Variants in SPATA9 observed in about 807,000 individuals in gnomAD.
SPATA9 encodes the protein spermatogenesis associated 9, also known as spermatogenesis-associated protein 9.
A neutral mutation model predicts 25.5 loss-of-function variants in SPATA9; 27 were observed. The observed-to-expected ratio is 1.06, with a 90% CI of 0.78 to 1.46. SPATA9 has a LOEUF of 1.46. SPATA9 is among the 40% of genes most tolerant of loss of function. The probability of loss-of-function intolerance (pLI) is 0.00; values close to 1 mark genes in which losing one functional copy is unlikely to be tolerated. For missense variants in SPATA9, 282 were observed against 297.5 expected (o/e 0.95, Z 0.38); for synonymous variants, 102 against 105.7 (o/e 0.97, Z 0.21).
intron 4 of SPATA9, among the ~76,000 whole-genome samples, chr5:95,661,211 G>C (rs1751226767): frequency 6.6e-6 from 1 of 151,960 alleles, no homozygotes; most frequent in African/African-American, 2.4e-5. Flanking sequence ...TATTTCTCCT[G>C]ATTTTCTTTC....
chr5:95,712,965 C>T, the SPATA9 span, among the ~76,000 whole-genome samples: 1 of 152,008 alleles, frequency 6.6e-6, no homozygotes, highest in African/African-American at 2.4e-5. Context: ...AGCTGCATTC[C>T]AAGAGATTTT....
the SPATA9 span, among the ~76,000 whole-genome samples, chr5:95,705,703 A>G: frequency 6.6e-6 from 1 of 152,210 alleles, no homozygotes; most frequent in Non-Finnish European, 1.5e-5. Context: ...CTGTAATGTA[A>G]TAGTTACCCA....
At chr5:95,719,787 G>A in the SPATA9 span, 1 of 152,142 alleles carries the variant, frequency 6.6e-6, no homozygotes, top group African/African-American at 2.4e-5. Context: ...CCAATCAGAA[G>A]AGAAAATTTT....
At chr5:95,656,262 G>A, downstream of SPATA9, 1 of 1,613,242 alleles carries the variant, frequency 6.2e-7, no homozygotes, top group Non-Finnish European at 8.5e-7. Context: ...GTGTGACTCT[G>A]ATTTTTATGC....
intron 1 of SPATA9, among the ~76,000 whole-genome samples, chr5:95,696,852 T>C (rs1255178761): frequency 2.0e-5 from 3 of 152,112 alleles, no homozygotes; most frequent in Non-Finnish European, 4.4e-5. Context: ...CAAGACCCTG[T>C]CTCCAAGTGA....
chr5:95,672,023 C>A lies in SPATA9; in HGVS notation c.378+3389G>T, dbSNP rs148828237. 1.8e-4 allele frequency among the ~76,000 whole-genome samples: 28 copies of A among 151,998 alleles called. 2 individuals are homozygous for A. The highest frequency in any genetic ancestry group is 6.8e-4 in the African/African-American group (28 of 41,444). ...GACCTTCCCCCCACCCCCAATGCCA[C>A]GAACAAAAAGGGAACTAAAAGCCAG... On this transcript the variant is annotated intron_variant, in intron 3 of 4. Transcript: ENST00000274432.
the SPATA9 span, among the ~76,000 whole-genome samples, chr5:95,721,953 A>G: frequency 6.6e-6 from 1 of 152,188 alleles, no homozygotes; most frequent in African/African-American, 2.4e-5. Context: ...GAAAATTTTG[A>G]TTACTATTAA....
chr5:95,712,102 T>A, the SPATA9 span, among the ~76,000 whole-genome samples: 2 of 151,992 alleles, frequency 1.3e-5, no homozygotes, highest in Non-Finnish European at 2.9e-5. Flanking sequence ...GTTTTACAGT[T>A]AAAAAAAAGA....
At chr5:95,678,974 T>C (rs1479942177) in intron 2 of SPATA9, among the ~76,000 whole-genome samples, 1 of 152,224 alleles carries the variant, frequency 6.6e-6, no homozygotes, top group Non-Finnish European at 1.5e-5. Context: ...ATGTTCCTAT[T>C]TGAGTTGGGT....
rs529019843 is a variant in SPATA9 at position 95,694,911 on chromosome 5, A to G, written n.124+3677T>C. On this transcript the variant is annotated intron_variant and non_coding_transcript_variant, in intron 1 of 2. Transcript: ENST00000379990. ...CAGCGATGGCACCAGAGGAAGCTAC[A>G]TAACACACCAATCCAACAAAATCAT... Among the ~76,000 whole-genome samples the G allele has an allele frequency of 2.0e-5, 3 of 152,374 alleles. No homozygotes were observed. The South Asian group carries it at 6.2e-4, about 32-fold the overall frequency.
At chr5:95,704,864 G>A in the SPATA9 span, among the ~76,000 whole-genome samples, 2 of 152,032 alleles carry the variant, frequency 1.3e-5, no homozygotes, top group African/African-American at 4.8e-5. Flanking sequence ...TCATATAGTG[G>A]ATGAGACAGA....
At chr5:95,656,482 A>T (rs1250117838), downstream of SPATA9, 13 of 569,374 alleles carry the variant, frequency 2.3e-5, no homozygotes, top group Middle Eastern at 9.1e-4. Context: ...AAGGATTATC[A>T]TCAGGATCAA....
chr5:95,711,657 G>C, the SPATA9 span, among the ~76,000 whole-genome samples: 1 of 152,198 alleles, frequency 6.6e-6, no homozygotes, highest in East Asian at 1.9e-4. Context: ...GTAAGGCGGT[G>C]GGACTGGGTG....
chr5:95,654,208 A>T, downstream of SPATA9: 1 of 1,613,194 alleles, frequency 6.2e-7, no homozygotes, highest in Admixed American at 1.7e-5. Context: ...ACAAGGGAGA[A>T]TATCATGCTA....
chr5:95,692,354 A>T (rs977676010), intron 1 of SPATA9, among the ~76,000 whole-genome samples: 4 of 152,258 alleles, frequency 2.6e-5, no homozygotes, highest in Non-Finnish European at 4.4e-5. Flanking sequence ...ACCAAGTTTC[A>T]AATTTTCACA....
chr5:95,708,736 T>C, the SPATA9 span: 2 of 675,270 alleles, frequency 3.0e-6, no homozygotes, highest in Non-Finnish European at 5.4e-6. Context: ...TTGTTCTTCA[T>C]GGGTGCGAGC....
the SPATA9 span, chr5:95,717,812 A>C: frequency 2.6e-5 from 4 of 152,226 alleles, no homozygotes; most frequent in African/African-American, 4.8e-5. Flanking sequence ...TGTCTCTAGA[A>C]GGGTGAGAAG....
At chr5:95,696,965 T>C (rs1367738308) in intron 1 of SPATA9, among the ~76,000 whole-genome samples, 4 of 152,238 alleles carry the variant, frequency 2.6e-5, no homozygotes, top group South Asian at 2.1e-4. Flanking sequence ...TATAAATCTA[T>C]CCTCCACTTT....
chr5:95,682,116 T>C (rs571226775), intron 2 of SPATA9, among the ~76,000 whole-genome samples: 1 of 152,336 alleles, frequency 6.6e-6, no homozygotes, highest in South Asian at 2.1e-4. Context: ...ATACTACTGT[T>C]TTCTTTCCTT....
Sources: gnomAD v4.1 joint callset for allele counts (sites outside exome capture counted in the v4.1 genomes callset) on GRCh38, gnomAD v4.1.1 for gene constraint, MANE v1.5 for transcripts, NCBI Gene and HGNC (gene_info 2026-07-23, HGNC 2026-07-21) for gene names.